Variants in PTPRE observed in about 807,000 individuals in gnomAD.
PTPRE encodes the protein receptor-type tyrosine-protein phosphatase epsilon.
In PTPRE, 51 loss-of-function variants were observed where a neutral mutation model predicts 102.0. The ratio of observed to expected loss-of-function variants is 0.50; its 90% CI spans 0.40 to 0.63. The LOEUF is 0.63. Among genes scored for constraint, PTPRE ranks in the 30% least tolerant of loss-of-function variants. PTPRE has a pLI of 0.00. For synonymous variants in PTPRE, 345 were observed against 348.2 expected (o/e 0.99, Z 0.10); for missense variants, 752 against 915.1 (o/e 0.82, Z 2.30).
chr10:128,068,687 TCAGATGGGCCC>T, intron 12 of PTPRE: 1 of 155,744 alleles, frequency 6.4e-6, no homozygotes, highest in East Asian at 1.9e-4. Flanking sequence ...CACACCATGC[TCAGATGGGCCC>T]CCACAGCAGA....
At chr10:128,009,434 C>A (rs553900453) in intron 2 of PTPRE, among the ~76,000 whole-genome samples, 7 of 152,274 alleles carry the variant, frequency 4.6e-5, no homozygotes, top group South Asian at 2.1e-4. Flanking sequence ...CTGAAGGGTG[C>A]GGCAGGTTCT....
intron 1 of PTPRE, among the ~76,000 whole-genome samples, chr10:127,957,048 C>T (rs529457966): frequency 2.0e-5 from 3 of 152,214 alleles, no homozygotes; most frequent in South Asian, 4.1e-4. Context: ...TTGACAGTGT[C>T]TTCTGCAGAG....
chr10:128,071,219 C>T (rs537552196), intron 15 of PTPRE: 111 of 395,214 alleles, frequency 2.8e-4, no homozygotes, highest in African/African-American at 1.1e-3. Flanking sequence ...GCGGCAGGCA[C>T]GACTTGGGAT....
At chr10:128,022,933 T>C (rs924158030) in intron 2 of PTPRE, among the ~76,000 whole-genome samples, 1 of 152,234 alleles carries the variant, frequency 6.6e-6, no homozygotes, top group Non-Finnish European at 1.5e-5. Flanking sequence ...TCTTCATTAA[T>C]GTGAAGACAA....
chr10:127,954,516 A>C (rs995851759), intron 1 of PTPRE, among the ~76,000 whole-genome samples: 2 of 152,188 alleles, frequency 1.3e-5, no homozygotes, highest in African/African-American at 4.8e-5. Context: ...GCTTCTGACC[A>C]AGGAATTCAC....
At chr10:128,031,627 G>A (rs753204911) in intron 2 of PTPRE, among the ~76,000 whole-genome samples, 75 of 152,324 alleles carry the variant, frequency 4.9e-4, no homozygotes, top group African/African-American at 1.7e-3. Flanking sequence ...GCCTTTGGGG[G>A]CCATGAAGTA....
intron 1 of PTPRE, among the ~76,000 whole-genome samples, chr10:127,933,855 C>T (rs191360571): frequency 1.3e-5 from 2 of 152,228 alleles, no homozygotes; most frequent in East Asian, 1.9e-4. Flanking sequence ...AGGCCCCTAC[C>T]GAAGTCCTGT....
chr10:127,970,210 A>G lies in PTPRE; in HGVS notation c.-30-12064A>G, dbSNP rs111988290. On this transcript the variant is annotated intron_variant, in intron 1 of 20. Coordinates refer to ENST00000254667, the MANE Select transcript of PTPRE (RefSeq NM_006504.6). ...GAGGGAGGGAACTTGGGTGGGGGACACCCCACAATGATGAGGTCCTTAGGA... is the reference window on the plus strand; with the variant it reads ...GAGGGAGGGAACTTGGGTGGGGGACGCCCCACAATGATGAGGTCCTTAGGA... Among the ~76,000 whole-genome samples, 136 of 152,214 alleles carry G rather than the reference A, an allele frequency of 8.9e-4. 2 individuals are homozygous for G. Among genetic ancestry groups the G allele is most frequent in the African/African-American group, 3.1e-3 (129 of 41,542 alleles).
intron 1 of PTPRE, among the ~76,000 whole-genome samples, chr10:127,938,146 G>A (rs1046510353): frequency 1.3e-5 from 2 of 152,118 alleles, no homozygotes; most frequent in African/African-American, 2.4e-5. Context: ...CTTGTGTACT[G>A]GGGACCCAGT....
At chr10:127,956,899 C>T (rs530458052) in intron 1 of PTPRE, among the ~76,000 whole-genome samples, 1 of 151,948 alleles carries the variant, frequency 6.6e-6, no homozygotes, top group African/African-American at 2.4e-5. Context: ...TGGTCTTTGC[C>T]TGTTTTTTTA....
chr10:128,080,837 A>G (rs1851648090), intron 20 of PTPRE, among the ~76,000 whole-genome samples: 1 of 152,228 alleles, frequency 6.6e-6, no homozygotes. Context: ...AGGGCTCCAG[A>G]GCAAGTGGTG....
At chr10:128,040,775 G>A (rs1847619435) in intron 2 of PTPRE, 100 bp from the exon 3 acceptor site, 2 of 849,160 alleles carry the variant, frequency 2.4e-6, no homozygotes, top group Non-Finnish European at 1.9e-6. Context: ...AGAAAGCCCT[G>A]AAATGAAGTT....
intron 1 of PTPRE, chr10:127,965,043 CA>C (rs1372465673): frequency 2.2e-6 from 1 of 456,572 alleles, no homozygotes; most frequent in East Asian, 6.9e-5. Context: ...CCTAATTTCT[CA>C]GAACCCTTTG....
chr10:127,913,935 C>T (rs1042949380), intron 1 of PTPRE, among the ~76,000 whole-genome samples: 3 of 152,148 alleles, frequency 2.0e-5, no homozygotes, highest in Non-Finnish European at 2.9e-5. Flanking sequence ...GTTGGAAACA[C>T]AGTATATGGT....
chr10:127,994,218 G>T (rs972603436), intron 2 of PTPRE, among the ~76,000 whole-genome samples: 3 of 152,200 alleles, frequency 2.0e-5, no homozygotes, highest in Non-Finnish European at 4.4e-5. Flanking sequence ...GCCCTGCAGG[G>T]TCCTGCCCAT....
At chr10:127,950,034 C>A (rs1169465940) in intron 1 of PTPRE, among the ~76,000 whole-genome samples, 1 of 152,090 alleles carries the variant, frequency 6.6e-6, no homozygotes, top group African/African-American at 2.4e-5. Context: ...CCGCCCCCAC[C>A]AACCCTCTTT....
At chr10:128,077,980 T>A (rs947323846) in intron 19 of PTPRE, among the ~76,000 whole-genome samples, 197 bp downstream of exon 19, 4 of 152,242 alleles carry the variant, frequency 2.6e-5, no homozygotes, top group African/African-American at 9.6e-5. Flanking sequence ...ATACATAAGA[T>A]GCATGTGTGT....
At chr10:127,935,033 C>T (rs1173869409) in intron 1 of PTPRE, among the ~76,000 whole-genome samples, 1 of 152,310 alleles carries the variant, frequency 6.6e-6, no homozygotes, top group East Asian at 1.9e-4. Context: ...CATTTGCAAA[C>T]CCTTTTCTTA....
chr10:127,932,048 A>G (rs1847484887), intron 1 of PTPRE, among the ~76,000 whole-genome samples: 1 of 152,240 alleles, frequency 6.6e-6, no homozygotes, highest in Non-Finnish European at 1.5e-5. Flanking sequence ...TCTTGGAACC[A>G]TAAAGCTTAT....
Sources: gnomAD v4.1 joint callset for allele counts (sites outside exome capture counted in the v4.1 genomes callset) on GRCh38, gnomAD v4.1.1 for gene constraint, MANE v1.5 for transcripts, NCBI Gene and HGNC (gene_info 2026-07-23, HGNC 2026-07-21) for gene names.